Variants in DIAPH2 observed in about 807,000 individuals in gnomAD.
DIAPH2 encodes the protein diaphanous related formin 2.
A neutral mutation model predicts 92.7 loss-of-function variants in DIAPH2; 35 were observed. That is an observed-to-expected ratio of 0.38 (90% CI 0.29 to 0.50). DIAPH2 has a LOEUF of 0.50. DIAPH2 is among the 20% of genes least tolerant of loss of function. The probability of loss-of-function intolerance (pLI) is 0.94; values close to 1 mark genes in which losing one functional copy is unlikely to be tolerated. For missense variants in DIAPH2, 701 were observed against 819.5 expected, an observed-to-expected ratio of 0.86 and a Z score of 1.77; for synonymous variants, 301 against 280.4, an observed-to-expected ratio of 1.07 and a Z score of -0.73.
chrX:97,303,359 A>G (rs770259819), intron 23 of DIAPH2, among the ~76,000 whole-genome samples: 19 of 111,701 alleles, frequency 1.7e-4, no homozygotes, highest in Non-Finnish European at 3.0e-4. Context: ...ACACCCAACT[A>G]TAGTTTGTGT....
intron 22 of DIAPH2, among the ~76,000 whole-genome samples, chrX:97,174,080 TATA>T: frequency 2.2e-5 from 1 of 46,372 alleles, no homozygotes; most frequent in African/African-American, 4.0e-5. Flanking sequence ...ATTATATAAT[TATA>T]ATATATAAAA....
At chrX:96,739,689 CCCTTTAAAATTTT>C (rs1285020524) in intron 3 of DIAPH2, among the ~76,000 whole-genome samples, 2 of 111,714 alleles carry the variant, frequency 1.8e-5, no homozygotes, top group Non-Finnish European at 3.8e-5. Context: ...AACAAAATTT[CCCTTTAAAATTTT>C]CCTTGACTAT....
chrX:97,302,916 G>A (rs73550339), intron 23 of DIAPH2, among the ~76,000 whole-genome samples: 47,093 of 110,281 alleles, frequency 0.43, 8,588 homozygotes, highest in Non-Finnish European at 0.58. Flanking sequence ...CCCAGGAGGC[G>A]GAGGTTGCAG....
intron 23 of DIAPH2, among the ~76,000 whole-genome samples, chrX:97,299,802 G>A (rs1418082881): frequency 1.8e-5 from 2 of 111,730 alleles, no homozygotes; most frequent in Non-Finnish European, 3.8e-5. Flanking sequence ...TTAAATCAAG[G>A]CTCTTTCATA....
At chrX:96,735,668 AT>A in intron 1 of DIAPH2, 89 bp from the exon 2 acceptor site, 1 of 538,889 alleles carries the variant, frequency 1.9e-6, no homozygotes, top group Non-Finnish European at 3.1e-6. Context: ...GTTAATAAAA[AT>A]GAAAATTATT....
intron 22 of DIAPH2, among the ~76,000 whole-genome samples, chrX:97,226,250 T>G (rs1263957156): frequency 1.8e-5 from 2 of 112,237 alleles, no homozygotes; most frequent in Non-Finnish European, 3.8e-5. Flanking sequence ...AGTGTAAGAT[T>G]GTAAAAAATA....
At chrX:97,169,212 A>C (rs887274395) in intron 22 of DIAPH2, among the ~76,000 whole-genome samples, 1 of 111,681 alleles carries the variant, frequency 9.0e-6, no homozygotes, top group Non-Finnish European at 1.9e-5. Flanking sequence ...ATGTACTTGG[A>C]GAGTTTGAGG....
intron 22 of DIAPH2, among the ~76,000 whole-genome samples, chrX:97,199,257 C>T (rs2067728898): frequency 9.3e-6 from 1 of 107,361 alleles, no homozygotes; most frequent in Non-Finnish European, 1.9e-5. Flanking sequence ...GTGTGTGTAT[C>T]TGAACATAAA....
intron 15 of DIAPH2, among the ~76,000 whole-genome samples, chrX:96,957,338 A>G (rs1490889579): frequency 8.9e-6 from 1 of 112,386 alleles, no homozygotes; most frequent in East Asian, 2.8e-4. Flanking sequence ...GGTAATTTAT[A>G]AAGGAAAGAG....
intron 3 of DIAPH2, among the ~76,000 whole-genome samples, chrX:96,755,715 A>C (rs992343016): frequency 5.5e-5 from 5 of 91,630 alleles, no homozygotes; most frequent in Admixed American, 1.2e-4. Context: ...TATTTACTTT[A>C]TCAAAAAAAA....
At chrX:96,779,024 T>G (rs926655856) in intron 4 of DIAPH2, among the ~76,000 whole-genome samples, 3 of 112,344 alleles carry the variant, frequency 2.7e-5, no homozygotes, top group African/African-American at 9.7e-5. Context: ...ATAACCTATT[T>G]CTCTGAAACA....
rs959019806 is a variant in DIAPH2, at chrX:97,596,564, C to T, written c.3242-2689C>T. Among the ~76,000 whole-genome samples, 13 of 111,631 alleles carry T rather than the reference C, an allele frequency of 1.2e-4. 1 individual carries two copies. Among genetic ancestry groups the T allele is most frequent in the African/African-American group, 4.2e-4 (13 of 30,697 alleles). On this transcript the variant is annotated intron_variant, in intron 26 of 26. Transcript: ENST00000324765. ...TGGATTCAGGCTGGGTCTCATGGAGCTCTCAGATCATATCACATGAGCACC... is the reference window on the plus strand; with the variant it reads ...TGGATTCAGGCTGGGTCTCATGGAGTTCTCAGATCATATCACATGAGCACC...
intron 21 of DIAPH2, among the ~76,000 whole-genome samples, chrX:97,139,402 G>A (rs1312220966): frequency 3.7e-5 from 4 of 106,728 alleles, no homozygotes; most frequent in African/African-American, 1.0e-4. Flanking sequence ...CCCATTTGTC[G>A]TGATTTCCTG....
At chrX:97,293,080 AGCCTACAAAAGACTTAG>A (rs1011484484) in intron 23 of DIAPH2, among the ~76,000 whole-genome samples, 5 of 110,320 alleles carry the variant, frequency 4.5e-5, no homozygotes, top group Non-Finnish European at 7.6e-5. Context: ...AGGATGTGTG[AGCCTACAAAAGACTTAG>A]GCCAACAAAT....
chrX:96,859,431 A>G (rs1313612290), intron 4 of DIAPH2, among the ~76,000 whole-genome samples: 1 of 110,258 alleles, frequency 9.1e-6, no homozygotes, highest in East Asian at 2.8e-4. Context: ...ATACAGATGG[A>G]AGAGGAAACT....
chrX:96,715,661 C>G (rs1248450530), intron 1 of DIAPH2, among the ~76,000 whole-genome samples: 1 of 111,181 alleles, frequency 9.0e-6, no homozygotes, highest in East Asian at 2.8e-4. Context: ...ATCTTTATTT[C>G]TATTTTAAGC....
In DIAPH2 at chrX:96,942,100, A is replaced by T; in HGVS notation, c.1408A>T (p.Arg470Trp). Reference sequence around the variant, plus strand: ...TGGTATGGATCCAGACTTCAAATACAGGCAAAGATTAGACATCGATTTAAC... The same window carrying T: ...TGGTATGGATCCAGACTTCAAATACTGGCAAAGATTAGACATCGATTTAAC... ...CSGMDPDFKY[R>W]QRLDIDLTHL... is the part of the protein sequence containing the mutation. Residue 470 changes from arginine (R) to tryptophan (W), a missense_variant, in exon 13 of 27, where the codon AGG (arginine) becomes TGG (tryptophan). Coordinates refer to ENST00000324765, the MANE Select transcript of DIAPH2 (RefSeq NM_006729.5). 1 of 1,177,367 alleles carries T rather than the reference A, an allele frequency of 8.5e-7. No homozygotes were observed.
intron 21 of DIAPH2, among the ~76,000 whole-genome samples, chrX:97,136,710 A>G (rs1602366246): frequency 9.0e-6 from 1 of 110,999 alleles, no homozygotes; most frequent in East Asian, 2.9e-4. Context: ...CTCTAGAGTT[A>G]TTTCCCTCAT....
At chrX:96,805,140 C>T (rs967944266) in intron 4 of DIAPH2, among the ~76,000 whole-genome samples, 4 of 111,015 alleles carry the variant, frequency 3.6e-5, no homozygotes, top group African/African-American at 1.3e-4. Context: ...TCAGTACATT[C>T]TAGTAGGACA....
Sources: allele counts gnomAD v4.1 joint callset (sites outside exome capture counted in the v4.1 genomes callset), GRCh38; gene constraint gnomAD v4.1.1; transcripts MANE v1.5; gene names NCBI Gene and HGNC (gene_info 2026-07-23, HGNC 2026-07-21).